CLEC12B: variants seen among roughly 807,000 people sequenced by gnomAD.
The protein encoded by CLEC12B is C-type lectin domain family 12 member B, also known as macrophage antigen h.
Under a neutral mutation model 36.1 loss-of-function variants are expected in CLEC12B, and 25 were observed. That is an observed-to-expected ratio of 0.69 (90% confidence interval 0.50 to 0.97). The LOEUF (loss-of-function observed/expected upper bound fraction) is 0.97, where lower values mean the gene tolerates loss of function less well. CLEC12B is among the 50% of genes least tolerant of loss of function. CLEC12B has a pLI of 0.00. For missense variants in CLEC12B, 325 were observed against 318.4 expected (o/e 1.02, Z -0.16); for synonymous variants, 110 against 108.5 (o/e 1.01, Z -0.09).
intron 2 of CLEC12B, among the ~76,000 whole-genome samples, chr12:10,013,781 G>T (rs1258549499): frequency 3.3e-5 from 5 of 152,148 alleles, no homozygotes; most frequent in Admixed American, 3.3e-4. Context: ...AGAGACTAAT[G>T]ATGTACCTTG....
upstream of CLEC12B, among the ~76,000 whole-genome samples, chr12:10,007,650 C>T (rs932892074): frequency 2.0e-5 from 3 of 152,106 alleles, no homozygotes; most frequent in Non-Finnish European, 4.4e-5. Context: ...AGGAGATTTG[C>T]AGAACAGATT....
intron 5 of CLEC12B, chr12:10,017,798 G>A (rs1865523770): frequency 8.9e-6 from 8 of 901,398 alleles, no homozygotes; most frequent in Non-Finnish European, 1.1e-5. Flanking sequence ...TTTCTTAGCA[G>A]AGGAAATGAA....
upstream of CLEC12B, among the ~76,000 whole-genome samples, chr12:10,006,779 G>A (rs10772225): frequency 0.31 from 46,452 of 151,848 alleles, 7,474 homozygotes; most frequent in Middle Eastern, 0.38. Flanking sequence ...AGAAGGGCCA[G>A]GCGTGGTGGC....
At chr12:10,017,779 T>A in intron 5 of CLEC12B, 1 of 872,506 alleles carries the variant, frequency 1.1e-6, no homozygotes, top group Non-Finnish European at 1.4e-6. Context: ...ATTTCAGGAT[T>A]AACATCAATT....
At chr12:10,007,081 A>C (rs10400556), upstream of CLEC12B, among the ~76,000 whole-genome samples, 2 of 151,310 alleles carry the variant, frequency 1.3e-5, no homozygotes, top group African/African-American at 4.9e-5. Flanking sequence ...GAATAAAAAT[A>C]AAAAAAGAAA....
At chr12:10,007,326 A>T (rs963336664), upstream of CLEC12B, among the ~76,000 whole-genome samples, 1 of 152,076 alleles carries the variant, frequency 6.6e-6, no homozygotes, top group Admixed American at 6.6e-5. Flanking sequence ...ATTGATAGAA[A>T]GAGAAAAAGA....
intron 1 of CLEC12B, among the ~76,000 whole-genome samples, chr12:10,011,150 A>G (rs1844334011): frequency 6.6e-6 from 1 of 152,184 alleles, no homozygotes; most frequent in Admixed American, 6.5e-5. Context: ...AATCCTTGAT[A>G]TTTATACCTT....
intron 2 of CLEC12B, among the ~76,000 whole-genome samples, chr12:10,013,747 G>A (rs1175092535): frequency 1.3e-5 from 2 of 152,020 alleles, no homozygotes; most frequent in Admixed American, 6.6e-5. Context: ...ATTAGGATTT[G>A]GACATATCTT....
At chr12:10,017,700 A>G in intron 5 of CLEC12B, 2 of 932,408 alleles carry the variant, frequency 2.1e-6, no homozygotes, top group Non-Finnish European at 1.3e-6. Context: ...AATGCAGGTC[A>G]TTTAGAAAAA....
chr12:10,014,824 T>C, intron 3 of CLEC12B, 83 bp downstream of exon 3: 1 of 870,880 alleles, frequency 1.1e-6, no homozygotes, highest in Non-Finnish European at 1.9e-6. Context: ...CCTAAGAGTA[T>C]TGAGAGAGTT....
upstream of CLEC12B, among the ~76,000 whole-genome samples, chr12:10,007,377 A>T (rs1266058846): frequency 6.6e-6 from 1 of 152,180 alleles, no homozygotes. Flanking sequence ...AGATAGGTGG[A>T]TGGATTTTAA....
chr12:10,016,703 AGTGT>A (rs952994310), intron 5 of CLEC12B: 1 of 185,812 alleles, frequency 5.4e-6, no homozygotes, highest in African/African-American at 2.4e-5. Context: ...ACATTCAGAT[AGTGT>A]GTAAAGATCA....
chr12:10,010,441 G>A (rs1174658326), upstream of CLEC12B, among the ~76,000 whole-genome samples: 1 of 152,176 alleles, frequency 6.6e-6, no homozygotes, highest in African/African-American at 2.4e-5. Context: ...CGAGGATCAT[G>A]GGAATTCCCT....
chr12:10,007,941 G>C (rs928122476), upstream of CLEC12B, among the ~76,000 whole-genome samples: 1 of 152,242 alleles, frequency 6.6e-6, no homozygotes, highest in African/African-American at 2.4e-5. Flanking sequence ...GGCATGGTCA[G>C]TGAAGTTGCT....
intron 5 of CLEC12B, chr12:10,017,382 A>G (rs765694965): frequency 1.0e-6 from 1 of 985,438 alleles, no homozygotes; most frequent in Non-Finnish European, 1.2e-6. Flanking sequence ...CTATGACATC[A>G]TGTAAACACA....
chr12:10,014,483 T>C, intron 2 of CLEC12B, 40 bp from the exon 3 acceptor site: 1 of 1,369,358 alleles, frequency 7.3e-7, no homozygotes, highest in Non-Finnish European at 1.0e-6. Flanking sequence ...GTTATAAGAA[T>C]AGAAGAATAT....
chr12:10,017,480 A>G, intron 5 of CLEC12B: 39 of 985,402 alleles, frequency 4.0e-5, no homozygotes, highest in Non-Finnish European at 4.7e-5. Context: ...TCTTAATCAA[A>G]GTGTGGAGGA....
In CLEC12B at chr12:10,018,445, G is replaced by C; in HGVS notation, c.795G>C (p.Lys265Asn). 1 of 1,550,964 alleles carries C rather than the reference G, an allele frequency of 6.4e-7. No homozygotes were observed. The highest frequency in any genetic ancestry group is 1.7e-4 in the Middle Eastern group (1 of 5,986). The change falls in exon 6 of 6, where the codon AAG becomes AAC. Residue 265 changes from lysine (K) to asparagine (N), a missense_variant. Transcript: ENST00000338896. ...CSAEIFWICE[K>N]TAAPVKTEDL... is the part of the protein sequence containing the mutation. ...CTGAAATTTTTTGGATTTGCGAGAA[G>C]ACAGCTGCCCCAGTGAAGACTGAGG...
intron 2 of CLEC12B, 54 bp from the exon 3 acceptor site, chr12:10,014,469 T>C: frequency 8.1e-7 from 1 of 1,235,616 alleles, no homozygotes; most frequent in Non-Finnish European, 1.2e-6. Context: ...GAGAATTATC[T>C]ACAGTTATAA....
Sources: gnomAD v4.1 joint callset for allele counts (sites outside exome capture counted in the v4.1 genomes callset) on GRCh38, gnomAD v4.1.1 for gene constraint, MANE v1.5 for transcripts, NCBI Gene and HGNC (gene_info 2026-07-23, HGNC 2026-07-21) for gene names.